The following RNF157 variants were observed in gnomAD, a reference collection of about 807,000 sequenced individuals.
RNF157 encodes the protein ring finger protein 157.
RNF157 carries 55 observed loss-of-function variants against 88.3 expected under a neutral mutation model. That is an observed-to-expected ratio of 0.62 (90% CI 0.50 to 0.78). The LOEUF is 0.78. Among genes scored for constraint, RNF157 ranks in the 30% least tolerant of loss-of-function variants. The pLI is 0.00. For missense variants in RNF157, 788 were observed against 860.8 expected, an observed-to-expected ratio of 0.92 and a Z score of 1.06; for synonymous variants, 334 against 341.2, an observed-to-expected ratio of 0.98 and a Z score of 0.23.
chr17:76,167,841 AT>A, intron 3 of RNF157, 44 bp from the exon 4 acceptor site: 1 of 1,572,512 alleles, frequency 6.4e-7, no homozygotes, highest in Non-Finnish European at 8.6e-7. Flanking sequence ...GCATATCAAT[AT>A]TTTAAAATTT....
At chr17:76,224,581 T>C (rs2070044891) in intron 1 of RNF157, among the ~76,000 whole-genome samples, 1 of 152,168 alleles carries the variant, frequency 6.6e-6, no homozygotes, top group Non-Finnish European at 1.5e-5. Context: ...ACAGTGCTGC[T>C]TTTGTTCTTC....
intron 1 of RNF157, among the ~76,000 whole-genome samples, chr17:76,217,124 C>T (rs1245971715): frequency 2.0e-5 from 3 of 151,922 alleles, no homozygotes; most frequent in Admixed American, 6.6e-5. Context: ...ATAAAATGTG[C>T]AAGATTGTAT....
chr17:76,167,809 G>A lies in RNF157; in HGVS notation c.297-12C>T, dbSNP rs1310453949. 1.9e-6 allele frequency: 3 copies of A among 1,610,456 alleles called. No homozygotes were observed. The highest frequency in any genetic ancestry group is 1.3e-5 in the African/African-American group (1 of 74,722). ...CTTCCTCAGCACATCTAGAAAACCA[G>A]AGACTCAGCATTTGCAGAGTAGCAT... is the stretch of plus-strand genomic sequence containing the variant. On this transcript the variant is annotated splice_polypyrimidine_tract_variant and intron_variant, in intron 3 of 18. Coordinates refer to ENST00000269391, the MANE Select transcript of RNF157 (RefSeq NM_052916.3).
chr17:76,152,893 G>A (rs1180470791), intron 17 of RNF157, among the ~76,000 whole-genome samples: 1 of 152,174 alleles, frequency 6.6e-6, no homozygotes, highest in Non-Finnish European at 1.5e-5. Context: ...AGGACCACAT[G>A]GCTCTGCAAA....
intron 1 of RNF157, among the ~76,000 whole-genome samples, chr17:76,230,292 T>C (rs943014344): frequency 6.6e-6 from 1 of 151,932 alleles, no homozygotes; most frequent in Non-Finnish European, 1.5e-5. Flanking sequence ...CAGCCGACAT[T>C]TAGGACTCAC....
rs1295403768 is a variant in RNF157 at position 76,178,819 on chromosome 17, TTC to T, written c.208-5031_208-5030del. On this transcript the variant is annotated intron_variant, in intron 2 of 18. Transcript: ENST00000269391. The stretch of plus-strand genomic sequence containing the variant: ...AAGTTTTAGGGAGCAGAGGTTATTT[TTC>T]TCTCTTTTTTTTTTCCAGTAACTAA... Among the ~76,000 whole-genome samples the T allele has an allele frequency of 5.3e-5, 8 of 152,272 alleles. No individual in the cohort carries two copies. In the East Asian group the frequency reaches 7.7e-4, roughly 15 times the overall value.
chr17:76,202,266 C>T (rs568513480), intron 2 of RNF157, among the ~76,000 whole-genome samples: 74 of 152,246 alleles, frequency 4.9e-4, no homozygotes, highest in Non-Finnish European at 8.5e-4. Context: ...AGGCCAGTTA[C>T]TCCAAGTCCA....
intron 2 of RNF157, among the ~76,000 whole-genome samples, chr17:76,194,147 CA>C (rs2069433769): frequency 6.6e-6 from 1 of 152,190 alleles, no homozygotes; most frequent in African/African-American, 2.4e-5. Context: ...CAAACACACA[CA>C]ACAGTGTAAC....
Position 76,164,751 on chromosome 17 carries a change from T to C in RNF157, c.717A>G (p.Gln239=), listed in dbSNP as rs769354920. ...TFCVKPLKQK[Q]VVDGVSYLLQ... ...TCTGTGGTCTTCAAATACTTACTAC[T>C]TGTTTCTGTTTGAGGGGCTTGACAC... Residue 239 remains glutamine (Q), a synonymous_variant, in exon 8 of 19, where the codon CAA becomes CAG. Transcript: ENST00000269391. 4 of 1,604,348 alleles carry C rather than the reference T, an allele frequency of 2.5e-6. No homozygotes were observed. The South Asian group carries it at 4.4e-5, about 18-fold the overall frequency.
chr17:76,167,393 A>G (rs1298160407), intron 4 of RNF157, among the ~76,000 whole-genome samples: 1 of 152,200 alleles, frequency 6.6e-6, no homozygotes, highest in Admixed American at 6.5e-5. Flanking sequence ...CTATACCAAG[A>G]TGGCACAATT....
chr17:76,149,216 T>C (rs2068635381), intron 18 of RNF157, among the ~76,000 whole-genome samples: 1 of 151,904 alleles, frequency 6.6e-6, no homozygotes, highest in African/African-American at 2.4e-5. Flanking sequence ...ATCAGAGTGG[T>C]GAGGACGGGA....
At chr17:76,234,589 G>A (rs1239636358) in intron 1 of RNF157, among the ~76,000 whole-genome samples, 1 of 152,090 alleles carries the variant, frequency 6.6e-6, no homozygotes, top group South Asian at 2.1e-4. Flanking sequence ...GTATCTAATT[G>A]TAGTTTTGAT....
chr17:76,166,053 C>A (rs1381610909), intron 6 of RNF157, among the ~76,000 whole-genome samples: 2 of 151,782 alleles, frequency 1.3e-5, no homozygotes, highest in African/African-American at 4.8e-5. Context: ...CGGCTCACTG[C>A]AACCTCCGCC....
At chr17:76,224,485 TAAC>T (rs2070043233) in intron 1 of RNF157, among the ~76,000 whole-genome samples, 1 of 152,112 alleles carries the variant, frequency 6.6e-6, no homozygotes, top group Non-Finnish European at 1.5e-5. Context: ...GACATTTCAA[TAAC>T]AATAAGCTTT....
intron 1 of RNF157, chr17:76,226,485 T>C (rs2070088622): frequency 4.3e-6 from 7 of 1,611,062 alleles, no homozygotes; most frequent in Non-Finnish European, 5.9e-6. Context: ...TCATCTGGCA[T>C]GGTTTCCAGG....
At chr17:76,238,828 G>A (rs933107756) in intron 1 of RNF157, among the ~76,000 whole-genome samples, 12 of 152,314 alleles carry the variant, frequency 7.9e-5, no homozygotes, top group Middle Eastern at 3.4e-3. Context: ...ATCAGTCAGA[G>A]CTTTATTAAA....
chr17:76,172,764 C>G (rs1415507734), intron 3 of RNF157, among the ~76,000 whole-genome samples: 1 of 151,884 alleles, frequency 6.6e-6, no homozygotes, highest in African/African-American at 2.4e-5. Context: ...AAATCTGGGA[C>G]CTTGATTTGC....
chr17:76,175,282 T>C (rs1053497616), intron 2 of RNF157, among the ~76,000 whole-genome samples: 3 of 152,360 alleles, frequency 2.0e-5, no homozygotes, highest in Admixed American at 6.5e-5. Flanking sequence ...TTCGCAGCTA[T>C]AAATGTTGTG....
intron 2 of RNF157, among the ~76,000 whole-genome samples, chr17:76,181,678 C>G (rs2069190081): frequency 6.6e-6 from 1 of 151,956 alleles, no homozygotes; most frequent in Admixed American, 6.5e-5. Flanking sequence ...GAAGCCGAGA[C>G]AGGCAGATCA....
Sources: allele counts gnomAD v4.1 joint callset (sites outside exome capture counted in the v4.1 genomes callset), GRCh38; gene constraint gnomAD v4.1.1; transcripts MANE v1.5; gene names NCBI Gene and HGNC (gene_info 2026-07-23, HGNC 2026-07-21).